SYT1: variants seen among roughly 807,000 people sequenced by gnomAD.
SYT1 encodes the protein synaptotagmin-1.
A neutral mutation model predicts 44.8 loss-of-function variants in SYT1; 8 were observed. The ratio of observed to expected loss-of-function variants is 0.18; its 90% confidence interval spans 0.10 to 0.32. SYT1 has a LOEUF of 0.32. SYT1 is among the 10% of genes least tolerant of loss of function. The pLI is 1.00. For synonymous variants in SYT1, 154 were observed against 188.8 expected (o/e 0.82, Z 1.51); for missense variants, 286 against 509.3 (o/e 0.56, Z 4.22).
chr12:78,986,934 C>A (rs1157199833), intron 2 of SYT1, among the ~76,000 whole-genome samples: 1 of 151,880 alleles, frequency 6.6e-6, no homozygotes, highest in Non-Finnish European at 1.5e-5. Flanking sequence ...AAGATAGTTA[C>A]GATGCAGAAC....
intron 3 of SYT1, among the ~76,000 whole-genome samples, chr12:79,144,121 C>T (rs1205782455): frequency 6.6e-6 from 1 of 152,138 alleles, no homozygotes; most frequent in Non-Finnish European, 1.5e-5. Flanking sequence ...AAAATTAGCT[C>T]ATTTAGTTTA....
chr12:79,241,733 G>A lies in SYT1; in HGVS notation c.166+24048G>A, dbSNP rs1313417399. On this transcript the variant is annotated intron_variant, in intron 4 of 10. Coordinates refer to ENST00000261205, the MANE Select transcript of SYT1 (RefSeq NM_005639.3). ...CAAAAGTAGATAATGTGTGCTGTGG[G>A]TCGAATCATGTGCCCCATACTGTAT... 3.3e-5 allele frequency among the ~76,000 whole-genome samples: 5 copies of A among 152,356 alleles called. No individual in the cohort carries two copies. In the East Asian group the frequency reaches 9.6e-4, roughly 29 times the overall value.
intron 1 of SYT1, among the ~76,000 whole-genome samples, chr12:78,906,831 A>G (rs937039857): frequency 1.3e-5 from 2 of 152,096 alleles, no homozygotes; most frequent in African/African-American, 4.8e-5. Context: ...TTTCAGGTTA[A>G]CATCTCATCA....
intron 8 of SYT1, among the ~76,000 whole-genome samples, chr12:79,304,123 A>G (rs1030464914): frequency 5.3e-5 from 8 of 152,188 alleles, no homozygotes; most frequent in Non-Finnish European, 1.0e-4. Context: ...TTCATTGTCT[A>G]TCTTCCTCAC....
chr12:78,881,162 T>C (rs1392838738), intron 1 of SYT1, among the ~76,000 whole-genome samples: 1 of 151,642 alleles, frequency 6.6e-6, no homozygotes, highest in Admixed American at 6.6e-5. Flanking sequence ...CCCATTATAA[T>C]TGACTTTGCT....
intron 9 of SYT1, among the ~76,000 whole-genome samples, chr12:79,381,868 A>C (rs1344180107): frequency 6.6e-6 from 1 of 152,192 alleles, no homozygotes; most frequent in African/African-American, 2.4e-5. Context: ...ACATGAACAG[A>C]TAAAATAATA....
At chr12:79,128,609 A>G (rs1380027546) in intron 3 of SYT1, among the ~76,000 whole-genome samples, 14 of 152,196 alleles carry the variant, frequency 9.2e-5, no homozygotes, top group African/African-American at 3.4e-4. Context: ...TTGATACCCT[A>G]TTAAAATCAT....
At chr12:79,041,183 G>C (rs1271756959) in intron 2 of SYT1, among the ~76,000 whole-genome samples, 1 of 151,236 alleles carries the variant, frequency 6.6e-6, no homozygotes, top group Non-Finnish European at 1.5e-5. Context: ...AGCTTGATGG[G>C]GATGGCATTG....
At chr12:79,431,398 T>C (rs1006393952) in intron 9 of SYT1, among the ~76,000 whole-genome samples, 15 of 152,292 alleles carry the variant, frequency 9.8e-5, no homozygotes, top group Admixed American at 5.2e-4. Context: ...TGATTGACTT[T>C]AATCACAAAT....
intron 1 of SYT1, among the ~76,000 whole-genome samples, chr12:78,911,026 A>C (rs755304237): frequency 6.6e-6 from 1 of 152,010 alleles, no homozygotes; most frequent in Non-Finnish European, 1.5e-5. Context: ...TTTGTTTAAG[A>C]GTAATGGAAG....
intron 2 of SYT1, among the ~76,000 whole-genome samples, chr12:78,990,747 T>C (rs1246124417): frequency 1.3e-5 from 2 of 152,194 alleles, no homozygotes; most frequent in Non-Finnish European, 1.5e-5. Flanking sequence ...CTTTTGATTC[T>C]GAAAATGTAA....
At chr12:79,055,553 T>G (rs1240946138) in intron 3 of SYT1, among the ~76,000 whole-genome samples, 3 of 152,002 alleles carry the variant, frequency 2.0e-5, no homozygotes, top group Non-Finnish European at 2.9e-5. Context: ...TCCTTTGTAA[T>G]TAAGAATGTT....
chr12:79,415,719 T>G (rs900787538), intron 9 of SYT1, among the ~76,000 whole-genome samples: 6 of 152,180 alleles, frequency 3.9e-5, no homozygotes, highest in Non-Finnish European at 8.8e-5. Context: ...ATAACATAAT[T>G]CCTATAAGCA....
intron 3 of SYT1, among the ~76,000 whole-genome samples, chr12:79,136,323 G>A (rs1368571849): frequency 3.3e-5 from 5 of 152,004 alleles, no homozygotes; most frequent in African/African-American, 1.2e-4. Context: ...ATAAAGAAGG[G>A]AAAAATAATG....
intron 1 of SYT1, among the ~76,000 whole-genome samples, chr12:78,923,194 T>C (rs1877105394): frequency 6.6e-6 from 1 of 152,008 alleles, no homozygotes; most frequent in African/African-American, 2.4e-5. Flanking sequence ...CACATTTGCC[T>C]TTTGAGCACT....
intron 5 of SYT1, among the ~76,000 whole-genome samples, chr12:79,288,174 G>C (rs945663191): frequency 1.3e-5 from 2 of 152,064 alleles, no homozygotes; most frequent in East Asian, 3.9e-4. Context: ...GAAGAGGAAG[G>C]CTAAAAAAGC....
rs564076574 is a variant in SYT1, at chr12:79,338,602, A to G, written c.811-14900A>G. On this transcript the variant is annotated intron_variant, in intron 8 of 10. Transcript: ENST00000261205. ...AAAATTTCTCTTTTTTTTTTCTTCA[A>G]TCCCTCCCTGCCTCCCTCCCTCCCT... Among the ~76,000 whole-genome samples the G allele has an allele frequency of 1.4e-4, 21 of 145,878 alleles. No homozygotes were observed. In the East Asian group the frequency reaches 3.3e-3, roughly 23 times the overall value.
intron 4 of SYT1, among the ~76,000 whole-genome samples, chr12:79,275,963 A>C (rs1170438035): frequency 6.6e-6 from 1 of 152,210 alleles, no homozygotes; most frequent in Non-Finnish European, 1.5e-5. Context: ...GATTCTCTAT[A>C]TCTAAGGAAC....
At chr12:79,226,769 T>C (rs1462783819) in intron 4 of SYT1, among the ~76,000 whole-genome samples, 1 of 152,194 alleles carries the variant, frequency 6.6e-6, no homozygotes, top group Non-Finnish European at 1.5e-5. Flanking sequence ...AAGTGTGTAA[T>C]AGTATGTATT....
Sources: gnomAD v4.1 joint callset for allele counts (sites outside exome capture counted in the v4.1 genomes callset) on GRCh38, gnomAD v4.1.1 for gene constraint, MANE v1.5 for transcripts, NCBI Gene and HGNC (gene_info 2026-07-23, HGNC 2026-07-21) for gene names.